ANKRD13D: variants seen among roughly 807,000 people sequenced by gnomAD.
ANKRD13D encodes the protein ankyrin repeat domain-containing protein 13D.
In ANKRD13D, 24 loss-of-function variants were observed where a neutral mutation model predicts 68.8. The observed-to-expected ratio is 0.35, with a 90% CI of 0.25 to 0.49. The LOEUF is 0.49. Among genes scored for constraint, ANKRD13D ranks in the 20% least tolerant of loss-of-function variants. The pLI, the probability that ANKRD13D is intolerant of heterozygous loss-of-function variation, is 0.99. For synonymous variants in ANKRD13D, 331 were observed against 336.1 expected (o/e 0.98, Z 0.16); for missense variants, 735 against 832.1 (o/e 0.88, Z 1.44).
chr11:67,292,220 G>C (rs748985192), intron 6 of ANKRD13D, 40 bp downstream of exon 6: 8 of 1,541,580 alleles, frequency 5.2e-6, no homozygotes, highest in Non-Finnish European at 6.2e-6. Flanking sequence ...GGATGGGGAC[G>C]GATAGCAAGA....
chr11:67,289,318 C>G lies in ANKRD13D; in HGVS notation c.-143C>G, dbSNP rs1418595678. The G allele has an allele frequency of 5.9e-6, 2 of 336,598 alleles. No individual in the cohort carries two copies. Among genetic ancestry groups the G allele is most frequent in the African/African-American group, 2.3e-5 (1 of 43,704 alleles). The allele number at this position is 336,598 out of a possible 1,614,324, so 20.9% of individuals were successfully genotyped here. A position where few individuals can be genotyped will look rare whatever the true frequency, so the allele number is the denominator to read the frequency against. On this transcript the variant is annotated 5_prime_UTR_variant, in exon 1 of 15. Transcript: ENST00000511455. ...CGCCCGCCCCGCCCTCCCTGCCGCC[C>G]GCGCTGCCGCCGCCGCCGCCGCCGC...
At chr11:67,292,202 C>G in intron 6 of ANKRD13D, 22 bp downstream of exon 6, 1 of 1,565,150 alleles carries the variant, frequency 6.4e-7, no homozygotes, top group Non-Finnish European at 8.7e-7. Flanking sequence ...CCTGGCACAC[C>G]GTGGGTGGGA....
At chr11:67,290,552 T>G in intron 3 of ANKRD13D, 106 bp downstream of exon 3, 1 of 1,445,216 alleles carries the variant, frequency 6.9e-7, no homozygotes, top group Non-Finnish European at 9.2e-7. Flanking sequence ...GCAGTGTGCC[T>G]CCTGCCACCA....
At chr11:67,291,439 A>G in intron 3 of ANKRD13D, 37 bp from the exon 4 acceptor site, 1 of 1,605,902 alleles carries the variant, frequency 6.2e-7, no homozygotes, top group African/African-American at 1.3e-5. Context: ...AGCCAGCAGC[A>G]GGCAGGGCGC....
At position 67,299,152 on chromosome 11, in the gene ANKRD13D, G is replaced by A. The variant is rs562416176; in HGVS notation, c.798+28G>A. The A allele has an allele frequency of 2.0e-5, 31 of 1,587,684 alleles. No individual in the cohort carries two copies. The South Asian group carries it at 3.4e-4, about 18-fold the overall frequency. ...AGGAGAGGCTAGGGGTGGGGGGCTG[G>A]GGGTAGGAGATGAGGTCCAGGAACT... On this transcript the variant is annotated intron_variant, in intron 7 of 14. Coordinates refer to ENST00000511455, the MANE Select transcript of ANKRD13D (RefSeq NM_207354.3). This position sits in a 1 kb window ranked among gnomAD's most constrained non-coding sequence, Gnocchi z 6.2.
rs1209651543 is a variant in ANKRD13D at position 67,290,228 on chromosome 11, A to G, written c.226+15A>G. 1 of 1,542,308 alleles carries G rather than the reference A, an allele frequency of 6.5e-7. No homozygotes were observed. Among genetic ancestry groups the G allele is most frequent in the Non-Finnish European group, 8.7e-7 (1 of 1,146,692 alleles). On this transcript the variant is annotated intron_variant, in intron 2 of 14. Transcript: ENST00000511455. ...GGGCTGGGCAGGTACTGCAGAGGAC[A>G]AGGGGCTCCCCCTGAGGCTGGCAGG...
At chr11:67,293,010 T>C (rs960894440) in intron 6 of ANKRD13D, among the ~76,000 whole-genome samples, 12 of 152,230 alleles carry the variant, frequency 7.9e-5, no homozygotes, top group African/African-American at 2.7e-4. Context: ...TTGTGGCCAT[T>C]GTATGAATAT....
Position 67,302,148 on chromosome 11 carries a change from C to T in ANKRD13D, c.1634C>T (p.Thr545Ile), listed in dbSNP as rs745475139. The change falls in exon 15 of 15, where the codon ACA becomes ATA. Residue 545 changes from threonine (T) to isoleucine (I), a missense_variant. Transcript: ENST00000511455. ...CTCCAGGAAAGCCTGCAGCTGTCCA[C>T]AGAGCCCAGGGGCCCAGGATCCCCT... ...RALQESLQLS[T>I]EPRGPGSPPR... The T allele has an allele frequency of 6.3e-7, 1 of 1,593,210 alleles. No individual in the cohort carries two copies. The highest frequency in any genetic ancestry group is 8.5e-7 in the Non-Finnish European group (1 of 1,170,732).
At chr11:67,292,450 A>G (rs1316857747) in intron 6 of ANKRD13D, among the ~76,000 whole-genome samples, 2 of 152,064 alleles carry the variant, frequency 1.3e-5, no homozygotes. Context: ...CCATTAAGAC[A>G]AAGATTTAGG....
At position 67,302,256 on chromosome 11, in the gene ANKRD13D, AGGAGCG is replaced by A; in HGVS notation, c.1750_1755del (p.Glu584_Arg585del). The A allele has an allele frequency of 1.3e-6, 2 of 1,572,660 alleles. No individual in the cohort carries two copies. The highest frequency in any genetic ancestry group is 1.7e-6 in the Non-Finnish European group (2 of 1,158,622). On this transcript the variant is annotated inframe_deletion, in exon 15 of 15. Transcript: ENST00000511455. Reference sequence around the variant, plus strand: ...CTGGAGTTGTCTTCACGGGAGCAGGAGGAGCGGGAGCGGCGCGGGCAGCAGGAGGAG... The same window carrying A: ...CTGGAGTTGTCTTCACGGGAGCAGGAGGAGCGGCGCGGGCAGCAGGAGGAG...
At position 67,299,713 on chromosome 11, in the gene ANKRD13D, C is replaced by T; in HGVS notation, c.880+102C>T. On this transcript the variant is annotated intron_variant, in intron 8 of 14. Coordinates refer to ENST00000511455, the MANE Select transcript of ANKRD13D (RefSeq NM_207354.3). This position sits in a 1 kb window ranked among gnomAD's most constrained non-coding sequence, Gnocchi z 6.2. ...AGTTTCCCAGGATGAGCTGGGAGGC[C>T]TCCCCATTCCCGTCTGACCCCTCTT... The T allele has an allele frequency of 6.6e-7, 1 of 1,524,346 alleles. No individual in the cohort carries two copies. Among genetic ancestry groups the T allele is most frequent in the Non-Finnish European group, 8.9e-7 (1 of 1,126,958 alleles). 94.4% of individuals were successfully genotyped at this position (1,524,346 alleles called of 1,614,324 possible). A position where few individuals can be genotyped will look rare whatever the true frequency, so the allele number is the denominator to read the frequency against.
intron 6 of ANKRD13D, among the ~76,000 whole-genome samples, chr11:67,296,334 C>T (rs1049793046): frequency 7.3e-5 from 7 of 95,912 alleles, no homozygotes; most frequent in Non-Finnish European, 1.2e-4. Context: ...GCCATTTGGG[C>T]CTGAGTGTGT....
chr11:67,299,355 G>A lies in ANKRD13D; in HGVS notation c.799-175G>A. On this transcript the variant is annotated intron_variant, in intron 7 of 14. Coordinates refer to ENST00000511455, the MANE Select transcript of ANKRD13D (RefSeq NM_207354.3). The surrounding 1 kb of genome is among the most constrained non-coding windows in gnomAD (Gnocchi z 6.2). ...GAGGAGTGTGTTCCTCTTGACCCTG[G>A]GGCTGCATCTCCTCGTTGGTGACTT... 1 of 707,672 alleles carries A rather than the reference G, an allele frequency of 1.4e-6. No individual in the cohort carries two copies. 43.8% of individuals were successfully genotyped at this position (707,672 alleles called of 1,614,324 possible).
intron 6 of ANKRD13D, chr11:67,298,309 C>A (rs985899830): frequency 6.6e-6 from 1 of 151,630 alleles, no homozygotes; most frequent in Non-Finnish European, 1.5e-5. Flanking sequence ...TGATCCACCC[C>A]CCTTGGCTTC....
chr11:67,300,644 GGCAACAC>G lies in ANKRD13D; in HGVS notation c.1074-344_1074-338del. On this transcript the variant is annotated intron_variant, in intron 10 of 14. Coordinates refer to ENST00000511455, the MANE Select transcript of ANKRD13D (RefSeq NM_207354.3). The surrounding 1 kb of genome is among the most constrained non-coding windows in gnomAD (Gnocchi z 4.3). The stretch of plus-strand genomic sequence containing the variant: ...TGGGGTGTGCTGGACATAAAAGTTT[GGCAACAC>G]GTGAGCTGGTGACCAGCTCTGGGCT... 2.2e-6 allele frequency: 1 copy of G among 456,684 alleles called. No homozygotes were observed. Among genetic ancestry groups the G allele is most frequent in the Non-Finnish European group, 3.9e-6 (1 of 259,330 alleles). The allele number at this position is 456,684 out of a possible 1,614,324, so 28.3% of individuals were successfully genotyped here.
Position 67,300,297 on chromosome 11 carries a change from G to C in ANKRD13D, c.1073+174G>C, listed in dbSNP as rs1860929278. ...CCATGGTCCTCAGCCCTTAGCAAGGGGCTTGGCACAGAAAACCGGTAGTTT... is the reference window on the plus strand; with the variant it reads ...CCATGGTCCTCAGCCCTTAGCAAGGCGCTTGGCACAGAAAACCGGTAGTTT... On this transcript the variant is annotated intron_variant, in intron 10 of 14. Coordinates refer to ENST00000511455, the MANE Select transcript of ANKRD13D (RefSeq NM_207354.3). The surrounding 1 kb of genome is among the most constrained non-coding windows in gnomAD (Gnocchi z 4.3). 1 of 876,604 alleles carries C rather than the reference G, an allele frequency of 1.1e-6. No individual in the cohort carries two copies. Among genetic ancestry groups the C allele is most frequent in the Non-Finnish European group, 1.7e-6 (1 of 600,976 alleles). 54.3% of individuals were successfully genotyped at this position (876,604 alleles called of 1,614,324 possible). A position where few individuals can be genotyped will look rare whatever the true frequency, so the allele number is the denominator to read the frequency against.
In ANKRD13D at chr11:67,293,915, T is replaced by C. The variant is rs1320280811; in HGVS notation, c.731+1735T>C. 2.0e-5 allele frequency among the ~76,000 whole-genome samples: 3 copies of C among 152,336 alleles called. No individual in the cohort carries two copies. The East Asian group carries it at 5.8e-4, about 29-fold the overall frequency. ...ACTTAGGTCTTTGAGCCATTTTAAGTTAATTTTTGTGTATAGTGGAAGGTT... is the reference window on the plus strand; with the variant it reads ...ACTTAGGTCTTTGAGCCATTTTAAGCTAATTTTTGTGTATAGTGGAAGGTT... On this transcript the variant is annotated intron_variant, in intron 6 of 14. Transcript: ENST00000511455.
rs1203468879 is a variant in ANKRD13D, at chr11:67,300,974, G to A, written c.1074-16G>A. On this transcript the variant is annotated splice_polypyrimidine_tract_variant and intron_variant, in intron 10 of 14. Coordinates refer to ENST00000511455, the MANE Select transcript of ANKRD13D (RefSeq NM_207354.3). The surrounding 1 kb of genome is among the most constrained non-coding windows in gnomAD (Gnocchi z 4.3). ...ACCAGCCGTGCCTCACCCATGTCCTGTGGTCGGCTGGGCAGGTTCAAGGCA... is the reference window on the plus strand; with the variant it reads ...ACCAGCCGTGCCTCACCCATGTCCTATGGTCGGCTGGGCAGGTTCAAGGCA... 6.2e-7 allele frequency: 1 copy of A among 1,613,156 alleles called. No individual in the cohort carries two copies. The highest frequency in any genetic ancestry group is 1.3e-5 in the African/African-American group (1 of 74,940).
At chr11:67,289,872 C>T in intron 1 of ANKRD13D, 1 of 1,432,036 alleles carries the variant, frequency 7.0e-7, no homozygotes, top group East Asian at 2.5e-5. Context: ...CCTGACCAGG[C>T]CCCGCCGCCA....
Sources: allele counts gnomAD v4.1 joint callset (sites outside exome capture counted in the v4.1 genomes callset), GRCh38; gene constraint gnomAD v4.1.1; non-coding constraint Gnocchi (gnomAD v3.1); transcripts MANE v1.5; gene names NCBI Gene and HGNC (gene_info 2026-07-23, HGNC 2026-07-21).